Variants in COL4A5 observed in about 807,000 individuals in gnomAD.
COL4A5 encodes collagen alpha-5(IV) chain.
COL4A5 carries 26 observed loss-of-function variants against 130.2 expected under a neutral mutation model. The ratio of observed to expected loss-of-function variants is 0.20; its 90% CI spans 0.15 to 0.28. COL4A5 has a LOEUF of 0.28. Ranked by LOEUF, COL4A5 falls within the 10% of genes least tolerant of loss-of-function variation. The probability of loss-of-function intolerance (pLI) is 1.00; values close to 1 mark genes in which losing one functional copy is unlikely to be tolerated. For missense variants in COL4A5, 1,131 were observed against 1,344.3 expected (o/e 0.84, Z 2.48); for synonymous variants, 496 against 439.6 (o/e 1.13, Z -1.60).
chrX:108,639,851 C>T (rs1162842776), intron 36 of COL4A5, among the ~76,000 whole-genome samples: 1 of 111,879 alleles, frequency 8.9e-6, no homozygotes, highest in Non-Finnish European at 1.9e-5. Flanking sequence ...ACTTCATACC[C>T]ATTAAGAAGG....
intron 36 of COL4A5, chrX:108,626,748 C>T (rs1603299167): frequency 1.2e-6 from 1 of 850,606 alleles, no homozygotes; most frequent in East Asian, 8.7e-5. Flanking sequence ...TAGTAGTATT[C>T]TTAACTGCGT....
intron 36 of COL4A5, chrX:108,627,489 T>C (rs1369164140): frequency 5.4e-6 from 4 of 744,955 alleles, no homozygotes; most frequent in Non-Finnish European, 4.8e-6. Flanking sequence ...CCCCTTTTTA[T>C]TTCTTTTTTC....
intron 50 of COL4A5, chrX:108,693,739 A>G (rs1281194013): frequency 9.0e-6 from 1 of 111,316 alleles, no homozygotes; most frequent in African/African-American, 3.3e-5. Context: ...TTGATTAGCT[A>G]TGGGAAGAAG....
intron 19 of COL4A5, among the ~76,000 whole-genome samples, chrX:108,590,775 G>A (rs2066419325): frequency 1.8e-5 from 2 of 111,190 alleles, no homozygotes; most frequent in African/African-American, 6.5e-5. Flanking sequence ...ATGACTTTCC[G>A]GTATTTTTGA....
At chrX:108,483,259 G>C (rs1321343897) in intron 1 of COL4A5, among the ~76,000 whole-genome samples, 2 of 109,842 alleles carry the variant, frequency 1.8e-5, no homozygotes, top group Non-Finnish European at 3.8e-5. Flanking sequence ...ATGTAAAGGG[G>C]AGTTTATTAC....
chrX:108,689,182 GTAAT>G (rs1398754409), intron 49 of COL4A5, among the ~76,000 whole-genome samples: 1 of 109,622 alleles, frequency 9.1e-6, no homozygotes, highest in Non-Finnish European at 1.9e-5. Context: ...CATTAAATTA[GTAAT>G]TAAATTATCT....
chrX:108,647,385 C>G (rs1391763290), intron 36 of COL4A5, among the ~76,000 whole-genome samples: 1 of 111,286 alleles, frequency 9.0e-6, no homozygotes, highest in Non-Finnish European at 1.9e-5. Context: ...CTCTGTTTGT[C>G]TGTTATTGGT....
In COL4A5 at chrX:108,567,729, T is replaced by C. The variant is rs180984298; in HGVS notation, c.277-900T>C. Among the ~76,000 whole-genome samples, 114 of 110,736 alleles carry C rather than the reference T, an allele frequency of 1.0e-3. 4 individuals are homozygous for C. In the East Asian group the frequency reaches 0.031, roughly 31 times the overall value. ...ATACATGGCAGCAGACAAGAGAAAA[T>C]GAGAGCCAAGCGAAAGGGGAAACAC... On this transcript the variant is annotated intron_variant, in intron 4 of 52. Coordinates refer to ENST00000328300, the MANE Select transcript of COL4A5 (RefSeq NM_033380.3).
intron 2 of COL4A5, among the ~76,000 whole-genome samples, chrX:108,543,672 G>A (rs894321639): frequency 9.0e-6 from 1 of 111,566 alleles, no homozygotes; most frequent in Non-Finnish European, 1.9e-5. Context: ...GATGGGGATG[G>A]CATTGAATCT....
At chrX:108,464,210 A>G (rs1457742516) in intron 1 of COL4A5, among the ~76,000 whole-genome samples, 1 of 112,012 alleles carries the variant, frequency 8.9e-6, no homozygotes, top group Non-Finnish European at 1.9e-5. Context: ...CTTCATCTCT[A>G]GCATTTTACC....
chrX:108,501,195 T>C (rs182215409), intron 1 of COL4A5, among the ~76,000 whole-genome samples: 6 of 111,433 alleles, frequency 5.4e-5, no homozygotes, highest in Admixed American at 2.9e-4. Context: ...TTTGCTATAA[T>C]TCATAATACA....
rs1315933929 is a variant in COL4A5, at chrX:108,696,184, T to C, written c.4995-113T>C. On this transcript the variant is annotated intron_variant, in intron 52 of 52. Transcript: ENST00000328300. The stretch of plus-strand genomic sequence containing the variant: ...TATTGCTGAAAAGTAAACCATTAAG[T>C]CACCAAGAGAGCTACTTAACACACA... 6 of 611,188 alleles carry C rather than the reference T, an allele frequency of 9.8e-6. No individual in the cohort carries two copies. In the East Asian group the frequency reaches 2.0e-4, roughly 20 times the overall value. The allele number at this position is 611,188 out of a possible 1,213,427, so 50.4% of individuals were successfully genotyped here. A position where few individuals can be genotyped will look rare whatever the true frequency, so the allele number is the denominator to read the frequency against.
chrX:108,501,816 G>A (rs1354633019), intron 1 of COL4A5, among the ~76,000 whole-genome samples: 1 of 112,138 alleles, frequency 8.9e-6, no homozygotes, highest in Non-Finnish European at 1.9e-5. Flanking sequence ...TGTATGGAAA[G>A]CACTACAGTT....
chrX:108,598,677 C>T, intron 24 of COL4A5, 25 bp from the exon 25 acceptor site: 1 of 1,188,433 alleles, frequency 8.4e-7, no homozygotes, highest in Middle Eastern at 2.9e-4. Flanking sequence ...CTATATGTTT[C>T]TGTATTAAAC....
chrX:108,549,674 G>C (rs2065720024), intron 2 of COL4A5, among the ~76,000 whole-genome samples: 2 of 111,013 alleles, frequency 1.8e-5, no homozygotes, highest in South Asian at 3.7e-4. Flanking sequence ...CACTTTAGAA[G>C]CTAGAAAAGG....
intron 1 of COL4A5, among the ~76,000 whole-genome samples, chrX:108,536,570 C>A (rs1254665761): frequency 2.7e-5 from 3 of 111,168 alleles, no homozygotes; most frequent in African/African-American, 9.8e-5. Flanking sequence ...TTGCCCCAAT[C>A]AATTTTGTAT....
chrX:108,485,026 C>T (rs778912992), intron 1 of COL4A5, among the ~76,000 whole-genome samples: 73 of 112,333 alleles, frequency 6.5e-4, no homozygotes, highest in Non-Finnish European at 1.3e-3. Flanking sequence ...CATAGTCTTT[C>T]CCACTCTTCT....
intron 1 of COL4A5, among the ~76,000 whole-genome samples, chrX:108,474,096 T>C (rs1029672687): frequency 2.7e-5 from 3 of 111,386 alleles, no homozygotes. Flanking sequence ...GAATTTAATG[T>C]AGCCTAAGTG....
chrX:108,580,033 A>T (rs2066215641), intron 13 of COL4A5, among the ~76,000 whole-genome samples: 1 of 112,000 alleles, frequency 8.9e-6, no homozygotes, highest in African/African-American at 3.2e-5. Context: ...TGGTTGTACT[A>T]CATGAGTATT....
Sources: allele counts gnomAD v4.1 joint callset (sites outside exome capture counted in the v4.1 genomes callset), GRCh38; gene constraint gnomAD v4.1.1; transcripts MANE v1.5; gene names NCBI Gene and HGNC (gene_info 2026-07-23, HGNC 2026-07-21).